The following LRP1B variants were observed in gnomAD, a reference collection of about 807,000 sequenced individuals.
The protein encoded by LRP1B is low-density lipoprotein receptor-related protein 1B.
A neutral mutation model predicts 556.6 loss-of-function variants in LRP1B; 217 were observed. That is an observed-to-expected ratio of 0.39 (90% confidence interval 0.35 to 0.44). LRP1B has a LOEUF of 0.44. LRP1B is among the 20% of genes least tolerant of loss of function. The pLI is 1.00. For missense variants in LRP1B, 5,053 were observed against 5,620.8 expected, an observed-to-expected ratio of 0.90 and a Z score of 3.23; for synonymous variants, 2,047 against 1,865.8, an observed-to-expected ratio of 1.10 and a Z score of -2.50.
chr2:142,001,544 G>A (rs1702653880), intron 1 of LRP1B, among the ~76,000 whole-genome samples: 1 of 152,106 alleles, frequency 6.6e-6, no homozygotes, highest in Admixed American at 6.6e-5. Context: ...CGCAAAGAAA[G>A]GTAAGGATAA....
intron 1 of LRP1B, among the ~76,000 whole-genome samples, chr2:142,035,939 G>A (rs1306454099): frequency 6.6e-6 from 1 of 151,640 alleles, no homozygotes. Flanking sequence ...GATCTGATGG[G>A]TTTATTACGG....
At chr2:141,978,914 A>C (rs1456112131) in intron 1 of LRP1B, among the ~76,000 whole-genome samples, 1 of 152,018 alleles carries the variant, frequency 6.6e-6, no homozygotes, top group Non-Finnish European at 1.5e-5. Context: ...TGAAAGAAAA[A>C]AATGAAGAGA....
intron 1 of LRP1B, among the ~76,000 whole-genome samples, chr2:141,942,168 G>A (rs527266353): frequency 6.6e-5 from 10 of 152,164 alleles, no homozygotes; most frequent in African/African-American, 2.4e-4. Context: ...CTTTTGATGA[G>A]CATTGTTCTC....
At chr2:141,783,399 A>G (rs1695327241) in intron 2 of LRP1B, among the ~76,000 whole-genome samples, 1 of 152,066 alleles carries the variant, frequency 6.6e-6, no homozygotes, top group African/African-American at 2.4e-5. Flanking sequence ...TTACTTATCC[A>G]AAGACCTTAC....
At chr2:140,295,843 C>A (rs2104996361) in intron 84 of LRP1B, among the ~76,000 whole-genome samples, 1 of 151,932 alleles carries the variant, frequency 6.6e-6, no homozygotes, top group East Asian at 1.9e-4. Context: ...TATGACTGAC[C>A]TTTTGAGAAT....
chr2:141,597,080 ACAC>A (rs754295413), intron 2 of LRP1B, among the ~76,000 whole-genome samples: 18 of 143,822 alleles, frequency 1.3e-4, no homozygotes, highest in African/African-American at 2.4e-4. Context: ...ACACACACAC[ACAC>A]ATCTGCATTC....
chr2:140,891,855 C>G (rs1005855351), intron 23 of LRP1B, among the ~76,000 whole-genome samples: 3 of 152,108 alleles, frequency 2.0e-5, no homozygotes, highest in Admixed American at 6.6e-5. Context: ...TTGTTTCTCT[C>G]TTAGTAATCA....
At chr2:141,022,558 G>T (rs1365754967) in intron 11 of LRP1B, among the ~76,000 whole-genome samples, 1 of 151,878 alleles carries the variant, frequency 6.6e-6, no homozygotes, top group Non-Finnish European at 1.5e-5. Context: ...TAGACATATA[G>T]AACATCAGTC....
chr2:142,129,794 T>A (rs1707784709), intron 1 of LRP1B, among the ~76,000 whole-genome samples: 1 of 152,146 alleles, frequency 6.6e-6, no homozygotes, highest in African/African-American at 2.4e-5. Flanking sequence ...TTTTCACCAG[T>A]GCATCTGTTG....
chr2:140,534,223 T>G, intron 46 of LRP1B, 83 bp from the exon 47 acceptor site: 1 of 1,248,268 alleles, frequency 8.0e-7, no homozygotes, highest in Non-Finnish European at 1.1e-6. Context: ...AATATTTCAT[T>G]CATAATGACT....
chr2:140,919,258 T>C (rs924202094), intron 21 of LRP1B, among the ~76,000 whole-genome samples: 4 of 152,106 alleles, frequency 2.6e-5, no homozygotes, highest in South Asian at 2.1e-4. Context: ...GCTTGGACTT[T>C]GGCCCACTCC....
chr2:141,679,233 C>T (rs773306666), intron 2 of LRP1B, among the ~76,000 whole-genome samples: 1 of 152,232 alleles, frequency 6.6e-6, no homozygotes. Context: ...AGACAAGAGC[C>T]TAGCCCCAGC....
intron 3 of LRP1B, among the ~76,000 whole-genome samples, chr2:141,424,634 T>G (rs1255484703): frequency 6.6e-6 from 1 of 152,236 alleles, no homozygotes; most frequent in East Asian, 1.9e-4. Flanking sequence ...ATATGATGTA[T>G]TTAAATGCTC....
chr2:141,115,991 AC>A (rs1700889200), intron 7 of LRP1B, among the ~76,000 whole-genome samples: 1 of 152,224 alleles, frequency 6.6e-6, no homozygotes, highest in Non-Finnish European at 1.5e-5. Flanking sequence ...GCATTAGGGT[AC>A]TAATTCTGAT....
intron 32 of LRP1B, among the ~76,000 whole-genome samples, chr2:140,784,375 TCCACAC>T (rs1435971466): frequency 3.0e-4 from 15 of 49,644 alleles, no homozygotes; most frequent in Non-Finnish European, 5.8e-4. Context: ...GGATTCTGCC[TCCACAC>T]ACACACACAC....
At chr2:140,969,462 G>A (rs202149001) in intron 18 of LRP1B, among the ~76,000 whole-genome samples, 9,646 of 69,174 alleles carry the variant, frequency 0.14, 386 homozygotes, top group South Asian at 0.23. Context: ...GCACACTGAT[G>A]GGTCTTGACT....
intron 84 of LRP1B, among the ~76,000 whole-genome samples, chr2:140,290,226 AAGT>A (rs1683319253): frequency 6.6e-6 from 1 of 152,034 alleles, no homozygotes; most frequent in African/African-American, 2.4e-5. Flanking sequence ...TAAGAAGACA[AAGT>A]AGGGGGATTA....
At chr2:142,075,452 C>T (rs1705463356) in intron 1 of LRP1B, among the ~76,000 whole-genome samples, 1 of 152,146 alleles carries the variant, frequency 6.6e-6, no homozygotes, top group African/African-American at 2.4e-5. Flanking sequence ...TCTGGACTGA[C>T]ATTTCTGTCA....
chr2:141,565,565 C>T (rs1167957298), intron 2 of LRP1B, among the ~76,000 whole-genome samples: 2 of 152,170 alleles, frequency 1.3e-5, no homozygotes, highest in East Asian at 3.8e-4. Context: ...GGATGAACAT[C>T]CTATCTTACT....
Sources: allele counts gnomAD v4.1 joint callset (sites outside exome capture counted in the v4.1 genomes callset), GRCh38; gene constraint gnomAD v4.1.1; transcripts MANE v1.5; gene names NCBI Gene and HGNC (gene_info 2026-07-23, HGNC 2026-07-21).